The following PBX3 variants were observed in gnomAD, a reference collection of about 807,000 sequenced individuals.
PBX3 encodes PBX homeobox 3.
In PBX3, 14 loss-of-function variants were observed where a neutral mutation model predicts 48.5. The ratio of observed to expected loss-of-function variants is 0.29; its 90% CI spans 0.19 to 0.45. The LOEUF is 0.45. PBX3 is among the 20% of genes least tolerant of loss of function. The probability of loss-of-function intolerance (pLI) is 1.00; values close to 1 mark genes in which losing one functional copy is unlikely to be tolerated. For missense variants in PBX3, 386 were observed against 546.7 expected, an observed-to-expected ratio of 0.71 and a Z score of 2.93; for synonymous variants, 210 against 200.3, an observed-to-expected ratio of 1.05 and a Z score of -0.41.
chr9:125,790,313 C>A (rs566533084), intron 2 of PBX3, among the ~76,000 whole-genome samples: 3 of 150,942 alleles, frequency 2.0e-5, no homozygotes, highest in Non-Finnish European at 4.4e-5. Flanking sequence ...AGTGTGGTAG[C>A]GCGATCTCAG....
chr9:125,949,713 T>C (rs1188495054), intron 5 of PBX3, among the ~76,000 whole-genome samples: 1 of 151,934 alleles, frequency 6.6e-6, no homozygotes, highest in Non-Finnish European at 1.5e-5. Context: ...TGGTAAGGAG[T>C]AGTGGTTGAA....
In PBX3 at chr9:125,947,849, G is replaced by T. The variant is rs377450603; in HGVS notation, c.843+12242G>T. On this transcript the variant is annotated intron_variant, in intron 5 of 8. Coordinates refer to ENST00000373489, the MANE Select transcript of PBX3 (RefSeq NM_006195.6). ...AAACAATAGCCAAAAGAAAGTTTGT[G>T]TTGATCTAATAATATCAGATTAAGA... Among the ~76,000 whole-genome samples, 21 of 152,246 alleles carry T rather than the reference G, an allele frequency of 1.4e-4. No individual in the cohort carries two copies. In the South Asian group the frequency reaches 2.9e-3, roughly 21 times the overall value.
At chr9:125,949,585 G>T (rs892859204) in intron 5 of PBX3, 26 of 1,261,682 alleles carry the variant, frequency 2.1e-5, no homozygotes, top group East Asian at 2.7e-5. Context: ...TTTTTGATGA[G>T]AATTAATTAT....
chr9:125,786,972 A>G (rs947470012), intron 2 of PBX3, among the ~76,000 whole-genome samples: 7 of 141,658 alleles, frequency 4.9e-5, no homozygotes, highest in Admixed American at 4.1e-4. Context: ...TCATCTGCCC[A>G]CCTCGGCCTC....
At chr9:125,849,671 T>C (rs761356374) in intron 2 of PBX3, among the ~76,000 whole-genome samples, 1 of 151,952 alleles carries the variant, frequency 6.6e-6, no homozygotes, top group Non-Finnish European at 1.5e-5. Context: ...GCACATAAAA[T>C]CATGATGAGT....
At chr9:125,803,133 G>T (rs112249778) in intron 2 of PBX3, among the ~76,000 whole-genome samples, 14 of 127,882 alleles carry the variant, frequency 1.1e-4, no homozygotes, top group Admixed American at 9.4e-5. Context: ...TCGCTGTGTC[G>T]CCCAGGCTGG....
At chr9:125,886,072 A>G (rs1194317332) in intron 2 of PBX3, among the ~76,000 whole-genome samples, 1 of 152,080 alleles carries the variant, frequency 6.6e-6, no homozygotes, top group Non-Finnish European at 1.5e-5. Context: ...AACTTTGCTC[A>G]TGTAAGTTGT....
intron 2 of PBX3, among the ~76,000 whole-genome samples, chr9:125,801,790 T>TACACATACACAC (rs1554857078): frequency 6.8e-6 from 1 of 146,322 alleles, no homozygotes; most frequent in South Asian, 2.2e-4. Context: ...TGTATACACA[T>TACACATACACAC]ACACACACAC....
intron 2 of PBX3, among the ~76,000 whole-genome samples, chr9:125,811,643 G>A (rs1318850386): frequency 1.3e-5 from 2 of 152,082 alleles, no homozygotes; most frequent in African/African-American, 4.8e-5. Context: ...ACCCAGTCTC[G>A]GGTATTTCTT....
rs551254877 is a variant in PBX3, at chr9:125,862,606, C to T, written c.275-53080C>T. On this transcript the variant is annotated intron_variant, in intron 2 of 8. Transcript: ENST00000373489. ...TTCACCATGTTGGCCAGGATGATCT[C>T]GATCTCCTGACCTCGTGATCAGCCC... Among the ~76,000 whole-genome samples the T allele has an allele frequency of 5.3e-5, 8 of 152,130 alleles. No homozygotes were observed. In the South Asian group the frequency reaches 1.2e-3, roughly 24 times the overall value.
intron 2 of PBX3, among the ~76,000 whole-genome samples, chr9:125,767,150 A>G (rs1322517694): frequency 6.6e-6 from 1 of 152,234 alleles, no homozygotes; most frequent in Admixed American, 6.5e-5. Context: ...AACAGTTAAA[A>G]AACAAAACCC....
At chr9:125,862,997 T>C (rs1306532092) in intron 2 of PBX3, among the ~76,000 whole-genome samples, 1 of 151,928 alleles carries the variant, frequency 6.6e-6, no homozygotes. Flanking sequence ...TCCTGGGCTT[T>C]AGTGATCCTC....
intron 2 of PBX3, among the ~76,000 whole-genome samples, chr9:125,905,580 T>G (rs1464694327): frequency 6.6e-6 from 1 of 151,976 alleles, no homozygotes; most frequent in Non-Finnish European, 1.5e-5. Context: ...TGCTGTAGAT[T>G]AGTTTCCTAA....
chr9:125,884,699 A>C (rs1840457939), intron 2 of PBX3, among the ~76,000 whole-genome samples: 1 of 152,204 alleles, frequency 6.6e-6, no homozygotes. Context: ...GCCAACAAAC[A>C]CTAGTGTTGA....
chr9:125,906,616 A>C (rs1696608955), intron 2 of PBX3, among the ~76,000 whole-genome samples: 1 of 152,006 alleles, frequency 6.6e-6, no homozygotes, highest in East Asian at 1.9e-4. Context: ...GATCACCTTA[A>C]ACTACAAAGT....
At chr9:125,893,095 A>T (rs896485056) in intron 2 of PBX3, among the ~76,000 whole-genome samples, 3 of 152,178 alleles carry the variant, frequency 2.0e-5, no homozygotes, top group African/African-American at 7.2e-5. Context: ...CAATGGTGCA[A>T]CCTACCCAAT....
chr9:125,874,611 A>G (rs1362881836), intron 2 of PBX3, among the ~76,000 whole-genome samples: 1 of 152,198 alleles, frequency 6.6e-6, no homozygotes, highest in Non-Finnish European at 1.5e-5. Context: ...AGAGCAGAAT[A>G]TGCATTCTTT....
intron 2 of PBX3, among the ~76,000 whole-genome samples, chr9:125,805,523 A>G (rs1281257005): frequency 6.6e-6 from 1 of 152,230 alleles, no homozygotes; most frequent in African/African-American, 2.4e-5. Flanking sequence ...TGCCACTTGG[A>G]GGCTATGGTA....
intron 2 of PBX3, among the ~76,000 whole-genome samples, chr9:125,764,945 G>A (rs1429319277): frequency 1.3e-5 from 2 of 152,050 alleles, no homozygotes; most frequent in Non-Finnish European, 2.9e-5. Context: ...GTTCTTGACG[G>A]CTACTGTGAA....
Sources: allele counts gnomAD v4.1 joint callset (sites outside exome capture counted in the v4.1 genomes callset), GRCh38; gene constraint gnomAD v4.1.1; transcripts MANE v1.5; gene names NCBI Gene and HGNC (gene_info 2026-07-23, HGNC 2026-07-21).